The following ABLIM2 variants were observed in gnomAD, a reference collection of about 807,000 sequenced individuals.
ABLIM2 encodes actin binding LIM protein family member 2.
In ABLIM2, 53 loss-of-function variants were observed where a neutral mutation model predicts 97.7. That is an observed-to-expected ratio of 0.54 (90% CI 0.44 to 0.68). The LOEUF (loss-of-function observed/expected upper bound fraction) is 0.68, where lower values mean the gene tolerates loss of function less well. ABLIM2 is among the 30% of genes least tolerant of loss of function. The probability of loss-of-function intolerance (pLI) is 0.00; values close to 1 mark genes in which losing one functional copy is unlikely to be tolerated. For missense variants in ABLIM2, 835 were observed against 867.2 expected (o/e 0.96, Z 0.47); for synonymous variants, 361 against 345.8 (o/e 1.04, Z -0.49).
intron 1 of ABLIM2, among the ~76,000 whole-genome samples, chr4:8,134,543 C>T (rs1255273223): frequency 6.6e-6 from 1 of 152,198 alleles, no homozygotes; most frequent in East Asian, 1.9e-4. Context: ...CCACATGCCC[C>T]GTCTGCCTCC....
At chr4:8,028,990 G>A (rs767494657) in intron 11 of ABLIM2, among the ~76,000 whole-genome samples, 6 of 152,202 alleles carry the variant, frequency 3.9e-5, no homozygotes, top group Admixed American at 1.3e-4. Flanking sequence ...GGCAGTGTCC[G>A]TGTGGAGCGT....
Position 7,970,509 on chromosome 4 carries a change from G to A in ABLIM2, c.1825-3406C>T, listed in dbSNP as rs184051380. 2.9e-3 allele frequency among the ~76,000 whole-genome samples: 445 copies of A among 151,934 alleles called. 2 individuals are homozygous for A. Among genetic ancestry groups the A allele is most frequent in the Non-Finnish European group, 4.5e-3 (303 of 67,848 alleles). On this transcript the variant is annotated intron_variant, in intron 20 of 20. Transcript: ENST00000447017. This position sits in a 1 kb window ranked among gnomAD's most constrained non-coding sequence, Gnocchi z 5.3. ...AGCGGATGGTGGGCAGGCGTGCCCC[G>A]CATGCTGGGGAAGGAGAGAAGGGCA...
Position 8,015,110 on chromosome 4 carries a change from G to C in ABLIM2, c.1423+4508C>G, listed in dbSNP as rs1293883892. 6.6e-6 allele frequency among the ~76,000 whole-genome samples: 1 copy of C among 151,920 alleles called. No homozygotes were observed. Among genetic ancestry groups the C allele is most frequent in the Non-Finnish European group, 1.5e-5 (1 of 67,986 alleles). On this transcript the variant is annotated intron_variant, in intron 14 of 20. Transcript: ENST00000447017. This position sits in a 1 kb window ranked among gnomAD's most constrained non-coding sequence, Gnocchi z 4.6. Reference sequence around the variant, plus strand: ...TAATTTTTATATTGTTAGTGGAGACGGGGTTTCACCATGTTGGCCAGGCTG... The same window carrying C: ...TAATTTTTATATTGTTAGTGGAGACCGGGTTTCACCATGTTGGCCAGGCTG...
chr4:8,151,115 G>A (rs769228808), intron 1 of ABLIM2, among the ~76,000 whole-genome samples: 5 of 152,108 alleles, frequency 3.3e-5, no homozygotes, highest in South Asian at 2.1e-4. Context: ...TAAACAATCC[G>A]CTTGGAGAAA....
rs779846525 is a variant in ABLIM2 at position 7,967,134 on chromosome 4, C to T, written c.1825-31G>A. On this transcript the variant is annotated intron_variant, in intron 20 of 20. Transcript: ENST00000447017. ...AACAAAAAGGCAAAACAGAAGGGAC[C>T]AGTTAGCCACGCAGCAAGGGACACC... 5.1e-6 allele frequency: 8 copies of T among 1,573,484 alleles called. No homozygotes were observed. The South Asian group carries it at 8.9e-5, about 17-fold the overall frequency.
chr4:8,058,668 G>A lies in ABLIM2; in HGVS notation c.763+2299C>T, dbSNP rs1214934641. ...GTCCCACCAGTGCTCGCTGGGACCAGACCCTTGGGTCAGGCTCCTCTGAAC... is the reference window on the plus strand; with the variant it reads ...GTCCCACCAGTGCTCGCTGGGACCAAACCCTTGGGTCAGGCTCCTCTGAAC... On this transcript the variant is annotated intron_variant, in intron 7 of 20. Coordinates refer to ENST00000447017, the MANE Select transcript of ABLIM2 (RefSeq NM_001130083.2). This position sits in a 1 kb window ranked among gnomAD's most constrained non-coding sequence, Gnocchi z 4.2. Among the ~76,000 whole-genome samples the A allele has an allele frequency of 6.6e-6, 1 of 152,160 alleles. No individual in the cohort carries two copies. The highest frequency in any genetic ancestry group is 1.9e-4 in the East Asian group (1 of 5,184).
chr4:8,074,186 G>C (rs900029755), intron 6 of ABLIM2, among the ~76,000 whole-genome samples: 4 of 151,624 alleles, frequency 2.6e-5, no homozygotes, highest in Admixed American at 6.6e-5. Flanking sequence ...GGGTGCGGTG[G>C]CTCACACCCC....
rs553063149 is a variant in ABLIM2, at chr4:8,004,622, T to C, written c.1618+3437A>G. ...ATGGGGCCTCAAGGGGCTAGGAATGTGGGACCCCAAGCAGCAGCAGGCCCT... is the reference window on the plus strand; with the variant it reads ...ATGGGGCCTCAAGGGGCTAGGAATGCGGGACCCCAAGCAGCAGCAGGCCCT... On this transcript the variant is annotated intron_variant, in intron 16 of 20. Transcript: ENST00000447017. The surrounding 1 kb of genome is among the most constrained non-coding windows in gnomAD (Gnocchi z 5.9). 6.6e-6 allele frequency among the ~76,000 whole-genome samples: 1 copy of C among 152,190 alleles called. No homozygotes were observed. The highest frequency in any genetic ancestry group is 1.9e-4 in the East Asian group (1 of 5,148).
At chr4:8,108,962 G>A (rs1039438809) in intron 1 of ABLIM2, among the ~76,000 whole-genome samples, 3 of 152,250 alleles carry the variant, frequency 2.0e-5, no homozygotes, top group African/African-American at 4.8e-5. Flanking sequence ...AGGCCAGAGC[G>A]AGGAGTGGGA....
rs762553274 is a variant in ABLIM2 at position 8,009,147 on chromosome 4, G to A, written c.1424-45C>T. The A allele has an allele frequency of 4.3e-5, 69 of 1,609,644 alleles. 1 individual carries two copies. Among genetic ancestry groups the A allele is most frequent in the Non-Finnish European group, 5.1e-5 (60 of 1,176,156 alleles). On this transcript the variant is annotated intron_variant, in intron 14 of 20. Transcript: ENST00000447017. ...TTGTAAAGGCCACACACCATTGCTT[G>A]TGGGTTTCTGCCTCATGGTTTCCCA...
At chr4:8,154,285 T>C (rs567534557) in intron 1 of ABLIM2, among the ~76,000 whole-genome samples, 7 of 49,316 alleles carry the variant, frequency 1.4e-4, no homozygotes, top group Non-Finnish European at 2.3e-4. Flanking sequence ...TCTTTTCTTT[T>C]TTTTTTTTTT....
intron 2 of ABLIM2, among the ~76,000 whole-genome samples, chr4:8,100,221 A>G (rs529106183): frequency 1.5e-4 from 23 of 152,220 alleles, no homozygotes; most frequent in Non-Finnish European, 2.9e-4. Flanking sequence ...GGAAATGACC[A>G]TGACTGTCAC....
intron 9 of ABLIM2, among the ~76,000 whole-genome samples, chr4:8,037,078 G>A (rs1019963247): frequency 2.0e-5 from 3 of 152,018 alleles, no homozygotes; most frequent in Admixed American, 1.3e-4. Context: ...TGGGTAAATC[G>A]ATGTTATACT....
intron 8 of ABLIM2, among the ~76,000 whole-genome samples, chr4:8,049,518 C>T (rs113469446): frequency 6.6e-6 from 1 of 152,154 alleles, no homozygotes; most frequent in African/African-American, 2.4e-5. Context: ...GTCAGACATG[C>T]CTCACTATGC....
chr4:8,063,382 A>G (rs1291980703), intron 6 of ABLIM2, among the ~76,000 whole-genome samples: 24 of 152,212 alleles, frequency 1.6e-4, no homozygotes, highest in Admixed American at 1.6e-3. Context: ...ACAGTTTCTA[A>G]GACGATGGGC....
intron 9 of ABLIM2, 98 bp from the exon 10 acceptor site, chr4:8,036,393 C>G (rs1212659717): frequency 6.9e-7 from 1 of 1,439,372 alleles, no homozygotes; most frequent in Non-Finnish European, 9.5e-7. Context: ...ACAGTGCCCC[C>G]AAAGCCAGAT....
rs916112726 is a variant in ABLIM2 at position 7,992,719 on chromosome 4, C to G, written c.1680+147G>C. On this transcript the variant is annotated intron_variant, in intron 17 of 20. Coordinates refer to ENST00000447017, the MANE Select transcript of ABLIM2 (RefSeq NM_001130083.2). The surrounding 1 kb of genome is among the most constrained non-coding windows in gnomAD (Gnocchi z 5.7). ...AAAAAGCAGTGGTGGCAGTGGCAGC[C>G]CCTGGGAAGGGCATCAGGCAGAGGC... 1 of 822,242 alleles carries G rather than the reference C, an allele frequency of 1.2e-6. No individual in the cohort carries two copies. Among genetic ancestry groups the G allele is most frequent in the African/African-American group, 1.7e-5 (1 of 59,092 alleles). The allele number at this position is 822,242 out of a possible 1,614,324, so 50.9% of individuals were successfully genotyped here.
intron 4 of ABLIM2, among the ~76,000 whole-genome samples, 168 bp downstream of exon 4, chr4:8,088,001 C>A (rs566365647): frequency 4.1e-5 from 5 of 121,820 alleles, no homozygotes; most frequent in Admixed American, 2.7e-4. Flanking sequence ...AACCAGCAAG[C>A]CCCCACTTAG....
In ABLIM2 at chr4:8,022,509, C is replaced by G. The variant is rs531722930; in HGVS notation, c.1268-2206G>C. On this transcript the variant is annotated intron_variant, in intron 12 of 20. Coordinates refer to ENST00000447017, the MANE Select transcript of ABLIM2 (RefSeq NM_001130083.2). The surrounding 1 kb of genome is among the most constrained non-coding windows in gnomAD (Gnocchi z 7.8). Reference sequence around the variant, plus strand: ...GCCATGTTGGCCCACCTCATTCTGGCCCCCCAGGGCCCTCTAACACCAGCC... The same window carrying G: ...GCCATGTTGGCCCACCTCATTCTGGGCCCCCAGGGCCCTCTAACACCAGCC... 6.6e-6 allele frequency among the ~76,000 whole-genome samples: 1 copy of G among 152,228 alleles called. No homozygotes were observed. Among genetic ancestry groups the G allele is most frequent in the East Asian group, 1.9e-4 (1 of 5,192 alleles).
Sources: gnomAD v4.1 joint callset for allele counts (sites outside exome capture counted in the v4.1 genomes callset) on GRCh38, gnomAD v4.1.1 for gene constraint, Gnocchi (gnomAD v3.1) non-coding constraint, MANE v1.5 for transcripts, NCBI Gene and HGNC (gene_info 2026-07-23, HGNC 2026-07-21) for gene names.